The following RGS6 variants were observed in gnomAD, a reference collection of about 807,000 sequenced individuals.
The protein encoded by RGS6 is regulator of G protein signaling 6.
A neutral mutation model predicts 78.5 loss-of-function variants in RGS6; 30 were observed. The ratio of observed to expected loss-of-function variants is 0.38; its 90% CI spans 0.29 to 0.52. The LOEUF is 0.52. Ranked by LOEUF, RGS6 falls within the 20% of genes least tolerant of loss-of-function variation. The probability of loss-of-function intolerance (pLI) is 0.85; values close to 1 mark genes in which losing one functional copy is unlikely to be tolerated. For synonymous variants in RGS6, 206 were observed against 206.0 expected, an observed-to-expected ratio of 1.00 and a Z score of 0.00; for missense variants, 495 against 609.7, an observed-to-expected ratio of 0.81 and a Z score of 1.98.
chr14:72,279,726 G>C (rs143828656), intron 2 of RGS6, among the ~76,000 whole-genome samples: 17 of 152,334 alleles, frequency 1.1e-4, no homozygotes, highest in African/African-American at 4.1e-4. Context: ...GTGATTTGGC[G>C]ATGGGGTGTT....
chr14:72,482,951 C>T (rs1217904533), intron 12 of RGS6, among the ~76,000 whole-genome samples: 1 of 152,024 alleles, frequency 6.6e-6, no homozygotes, highest in Non-Finnish European at 1.5e-5. Flanking sequence ...GTGTTGTTCC[C>T]GATAACAATG....
At chr14:72,195,637 A>C (rs898344397) in intron 2 of RGS6, among the ~76,000 whole-genome samples, 2 of 152,346 alleles carry the variant, frequency 1.3e-5, no homozygotes, top group Non-Finnish European at 1.5e-5. Context: ...ACAGCGCTCA[A>C]AGCAGCAGGT....
At chr14:72,225,472 C>T (rs1428765805) in intron 2 of RGS6, among the ~76,000 whole-genome samples, 1 of 152,026 alleles carries the variant, frequency 6.6e-6, no homozygotes, top group Non-Finnish European at 1.5e-5. Flanking sequence ...TACAGGCATG[C>T]ATCACCATGC....
At chr14:72,218,791 TA>T (rs1442619543) in intron 2 of RGS6, among the ~76,000 whole-genome samples, 1 of 152,054 alleles carries the variant, frequency 6.6e-6, no homozygotes, top group Non-Finnish European at 1.5e-5. Flanking sequence ...TTTGTATTTT[TA>T]GTAGAGATGG....
chr14:72,326,348 T>C lies in RGS6; in HGVS notation c.85-25747T>C, dbSNP rs1004418888. On this transcript the variant is annotated intron_variant, in intron 2 of 17. Transcript: ENST00000553525. ...ATGCTTGTGTATGAATAAAATGCCCTGAAAGTATACTGATAGAGTTTGGAT... is the reference window on the plus strand; with the variant it reads ...ATGCTTGTGTATGAATAAAATGCCCCGAAAGTATACTGATAGAGTTTGGAT... 7.9e-5 allele frequency among the ~76,000 whole-genome samples: 12 copies of C among 152,338 alleles called. No individual in the cohort carries two copies. In the East Asian group the frequency reaches 1.9e-3, roughly 24 times the overall value.
chr14:71,870,020 C>A, the RGS6 span, among the ~76,000 whole-genome samples: 5 of 152,194 alleles, frequency 3.3e-5, no homozygotes, highest in African/African-American at 1.2e-4. Flanking sequence ...ACAAATTACC[C>A]AGTCACAGGT....
intron 2 of RGS6, among the ~76,000 whole-genome samples, chr14:72,021,816 G>A (rs946953788): frequency 6.6e-6 from 1 of 151,668 alleles, no homozygotes. Context: ...ACATGTGAAG[G>A]TTTGCTATGT....
At chr14:72,526,818 A>G (rs1057020565) in intron 15 of RGS6, among the ~76,000 whole-genome samples, 48 of 152,206 alleles carry the variant, frequency 3.2e-4, no homozygotes, top group African/African-American at 8.7e-4. Flanking sequence ...TGCCTCTTCT[A>G]TGTTTGTTAA....
intron 2 of RGS6, among the ~76,000 whole-genome samples, chr14:72,092,600 T>C (rs1360738449): frequency 2.6e-5 from 4 of 152,206 alleles, no homozygotes; most frequent in Non-Finnish European, 5.9e-5. Context: ...CAGGCTGGTC[T>C]CGAACTCCTG....
At chr14:72,548,481 G>A (rs939307427) in intron 17 of RGS6, among the ~76,000 whole-genome samples, 1 of 152,088 alleles carries the variant, frequency 6.6e-6, no homozygotes, top group Non-Finnish European at 1.5e-5. Context: ...CTTAGTGTAA[G>A]CAAATGCAGA....
chr14:72,266,704 A>G (rs980598773), intron 2 of RGS6, among the ~76,000 whole-genome samples: 1 of 152,174 alleles, frequency 6.6e-6, no homozygotes, highest in Non-Finnish European at 1.5e-5. Flanking sequence ...CTGATCTCAT[A>G]GCTTAGGGCT....
the RGS6 span, among the ~76,000 whole-genome samples, chr14:71,874,835 G>C: frequency 6.6e-6 from 1 of 152,118 alleles, no homozygotes; most frequent in African/African-American, 2.4e-5. Flanking sequence ...CTAATTTATT[G>C]AAAGTTTTTA....
chr14:72,232,604 T>C (rs757463568), intron 2 of RGS6, among the ~76,000 whole-genome samples: 2 of 152,152 alleles, frequency 1.3e-5, no homozygotes, highest in Non-Finnish European at 2.9e-5. Flanking sequence ...AGCCACTGCC[T>C]GGAAGGTCTA....
chr14:72,174,300 G>C (rs1049519177), intron 2 of RGS6, among the ~76,000 whole-genome samples: 3 of 152,178 alleles, frequency 2.0e-5, no homozygotes, highest in Non-Finnish European at 4.4e-5. Flanking sequence ...ATTTCTCCAT[G>C]TTGGTCAGGC....
At chr14:72,367,801 G>C (rs925144030) in intron 3 of RGS6, among the ~76,000 whole-genome samples, 2 of 152,156 alleles carry the variant, frequency 1.3e-5, no homozygotes, top group African/African-American at 4.8e-5. Flanking sequence ...ACCTGGGTTG[G>C]TCACTGTGTG....
chr14:72,548,847 CAAT>C (rs1476988530), intron 17 of RGS6, among the ~76,000 whole-genome samples: 2 of 152,116 alleles, frequency 1.3e-5, no homozygotes, highest in Admixed American at 6.5e-5. Context: ...AATATTCTAA[CAAT>C]AACAGAATAT....
At chr14:72,503,362 G>A (rs1229382995) in intron 13 of RGS6, among the ~76,000 whole-genome samples, 1 of 152,146 alleles carries the variant, frequency 6.6e-6, no homozygotes, top group Non-Finnish European at 1.5e-5. Flanking sequence ...TTCCATCTCA[G>A]TAGTCCCCGA....
At chr14:72,064,847 TAAAA>T (rs953490021) in intron 2 of RGS6, among the ~76,000 whole-genome samples, 1 of 152,170 alleles carries the variant, frequency 6.6e-6, no homozygotes, top group African/African-American at 2.4e-5. Flanking sequence ...CATCAGTGAT[TAAAA>T]AAACAACTTT....
chr14:71,874,156 T>A, the RGS6 span, among the ~76,000 whole-genome samples: 1 of 152,126 alleles, frequency 6.6e-6, no homozygotes, highest in Non-Finnish European at 1.5e-5. Context: ...AACTTTAAAG[T>A]AGTTTTTTCC....
Sources: gnomAD v4.1 joint callset for allele counts (sites outside exome capture counted in the v4.1 genomes callset) on GRCh38, gnomAD v4.1.1 for gene constraint, MANE v1.5 for transcripts, NCBI Gene and HGNC (gene_info 2026-07-23, HGNC 2026-07-21) for gene names.